The following RBFOX1 variants were observed in gnomAD, a reference collection of about 807,000 sequenced individuals.
RBFOX1 encodes RNA binding fox-1 homolog 1, also known as RNA binding protein fox-1 homolog 1.
A neutral mutation model predicts 57.7 loss-of-function variants in RBFOX1; 8 were observed. That is an observed-to-expected ratio of 0.14 (90% confidence interval 0.08 to 0.25). RBFOX1 has a LOEUF of 0.25. Among genes scored for constraint, RBFOX1 ranks in the 10% least tolerant of loss-of-function variants. The pLI is 1.00. For missense variants in RBFOX1, 611 were observed against 548.5 expected, an observed-to-expected ratio of 1.11 and a Z score of -1.14; for synonymous variants, 326 against 222.4, an observed-to-expected ratio of 1.47 and a Z score of -4.15.
chr16:7,297,755 A>G (rs1211116602), intron 4 of RBFOX1, among the ~76,000 whole-genome samples: 1 of 152,212 alleles, frequency 6.6e-6, no homozygotes, highest in African/African-American at 2.4e-5. Context: ...TAAAAGTAAT[A>G]CACAGACACA....
intron 3 of RBFOX1, among the ~76,000 whole-genome samples, chr16:7,037,396 C>G (rs1389005250): frequency 6.6e-6 from 1 of 151,992 alleles, no homozygotes; most frequent in Non-Finnish European, 1.5e-5. Flanking sequence ...CATACACCAC[C>G]ATGCCAGAGG....
chr16:5,935,710 A>C (rs541844486), intron 4 of RBFOX1, among the ~76,000 whole-genome samples: 2 of 152,310 alleles, frequency 1.3e-5, no homozygotes, highest in Admixed American at 1.3e-4. Flanking sequence ...AAGCAACAGA[A>C]TATAAGAAAT....
chr16:6,185,397 G>A (rs1012070283), intron 1 of RBFOX1, among the ~76,000 whole-genome samples: 1 of 152,118 alleles, frequency 6.6e-6, no homozygotes, highest in African/African-American at 2.4e-5. Flanking sequence ...GTTCAATACC[G>A]ACAATAAGCT....
At chr16:6,225,456 A>G (rs1046453710) in intron 1 of RBFOX1, among the ~76,000 whole-genome samples, 2 of 152,130 alleles carry the variant, frequency 1.3e-5, no homozygotes, top group African/African-American at 4.8e-5. Context: ...TACATTTAAT[A>G]CCCGGGAATG....
intron 2 of RBFOX1, among the ~76,000 whole-genome samples, chr16:6,391,599 A>G (rs1263508871): frequency 6.6e-6 from 1 of 152,180 alleles, no homozygotes; most frequent in East Asian, 1.9e-4. Context: ...GGTTGCAGGA[A>G]GGCAATGTGG....
chr16:5,538,566 G>A (rs138883779), intron 2 of RBFOX1, among the ~76,000 whole-genome samples: 1 of 151,762 alleles, frequency 6.6e-6, no homozygotes, highest in Non-Finnish European at 1.5e-5. Context: ...TTTGTTATCA[G>A]GCATTTATAT....
At chr16:7,224,622 G>T (rs973486944) in intron 4 of RBFOX1, among the ~76,000 whole-genome samples, 1 of 152,148 alleles carries the variant, frequency 6.6e-6, no homozygotes, top group African/African-American at 2.4e-5. Context: ...TTAGGGGGAG[G>T]TAATGTCTCC....
chr16:5,888,689 A>G (rs529589204), intron 4 of RBFOX1, among the ~76,000 whole-genome samples: 4 of 151,750 alleles, frequency 2.6e-5, no homozygotes, highest in South Asian at 2.1e-4. Flanking sequence ...CAGCTACTCA[A>G]CAAGGCTGAG....
At chr16:5,902,837 T>C (rs192776759) in intron 4 of RBFOX1, among the ~76,000 whole-genome samples, 8 of 152,218 alleles carry the variant, frequency 5.3e-5, no homozygotes, top group Non-Finnish European at 1.2e-4. Flanking sequence ...GAACTAAAAG[T>C]GTATCATTCA....
intron 2 of RBFOX1, among the ~76,000 whole-genome samples, chr16:6,454,997 C>T (rs1457346183): frequency 6.6e-6 from 1 of 151,094 alleles, no homozygotes; most frequent in Non-Finnish European, 1.5e-5. Flanking sequence ...ATTCTCCTGC[C>T]TCAGCCTCCC....
At chr16:6,743,715 C>T (rs954173321) in intron 3 of RBFOX1, among the ~76,000 whole-genome samples, 3 of 151,672 alleles carry the variant, frequency 2.0e-5, no homozygotes, top group African/African-American at 7.3e-5. Context: ...TGTATTCCAG[C>T]CTGCACTCCA....
At chr16:5,465,647 G>A (rs76948402) in intron 1 of RBFOX1, among the ~76,000 whole-genome samples, 2,250 of 152,282 alleles carry the variant, frequency 0.015, 54 homozygotes, top group East Asian at 0.091. Flanking sequence ...GCCCATGTTC[G>A]TTGTTAATTT....
chr16:5,844,465 C>T (rs188435169), intron 3 of RBFOX1, among the ~76,000 whole-genome samples: 7 of 152,306 alleles, frequency 4.6e-5, no homozygotes, highest in Non-Finnish European at 8.8e-5. Context: ...AGAGCAATAG[C>T]ATCTGTCTTC....
intron 3 of RBFOX1, among the ~76,000 whole-genome samples, chr16:6,735,071 G>C (rs2069765339): frequency 6.6e-6 from 1 of 151,976 alleles, no homozygotes; most frequent in Non-Finnish European, 1.5e-5. Context: ...CTTGAGCCAG[G>C]GAAGTCAAGG....
intron 2 of RBFOX1, among the ~76,000 whole-genome samples, chr16:6,355,929 T>C (rs1445545215): frequency 1.3e-5 from 2 of 152,184 alleles, no homozygotes; most frequent in Non-Finnish European, 2.9e-5. Context: ...AAAATGGGTG[T>C]AGGTCAAGAA....
At chr16:5,628,893 G>C (rs1041581389) in intron 3 of RBFOX1, among the ~76,000 whole-genome samples, 1 of 152,188 alleles carries the variant, frequency 6.6e-6, no homozygotes, top group Non-Finnish European at 1.5e-5. Context: ...GTCCTAAGAC[G>C]TTAGTCCTAA....
intron 14 of RBFOX1, among the ~76,000 whole-genome samples, chr16:7,703,322 G>T (rs935818570): frequency 3.9e-5 from 6 of 152,154 alleles, no homozygotes; most frequent in African/African-American, 1.4e-4. Context: ...TGTGTTGGGA[G>T]GGGTACAAGC....
At chr16:5,752,304 G>A (rs907047812) in intron 3 of RBFOX1, among the ~76,000 whole-genome samples, 4 of 152,130 alleles carry the variant, frequency 2.6e-5, no homozygotes, top group Non-Finnish European at 2.9e-5. Flanking sequence ...AGGAGAGAGA[G>A]GATCAGGAAA....
intron 1 of RBFOX1, among the ~76,000 whole-genome samples, chr16:6,255,190 G>C (rs1164281738): frequency 1.3e-5 from 2 of 152,008 alleles, no homozygotes; most frequent in African/African-American, 4.8e-5. Context: ...AATACTTTTT[G>C]GTTTAATCAC....
Sources: allele counts gnomAD v4.1 joint callset (sites outside exome capture counted in the v4.1 genomes callset), GRCh38; gene constraint gnomAD v4.1.1; transcripts MANE v1.5; gene names NCBI Gene and HGNC (gene_info 2026-07-23, HGNC 2026-07-21).